The following SORCS3 variants were observed in gnomAD, a reference collection of about 807,000 sequenced individuals.
SORCS3 encodes the protein sortilin related VPS10 domain containing receptor 3, also known as VPS10 domain-containing receptor SorCS3.
A neutral mutation model predicts 146.3 loss-of-function variants in SORCS3; 57 were observed. The observed-to-expected ratio is 0.39, with a 90% CI of 0.31 to 0.49. The LOEUF is 0.49. Ranked by LOEUF, SORCS3 falls within the 20% of genes least tolerant of loss-of-function variation. The pLI is 0.92. For missense variants in SORCS3, 1,341 were observed against 1,575.5 expected (o/e 0.85, Z 2.52); for synonymous variants, 653 against 618.5 (o/e 1.06, Z -0.83).
intron 3 of SORCS3, among the ~76,000 whole-genome samples, chr10:104,948,346 A>G (rs1043257456): frequency 6.6e-6 from 1 of 152,202 alleles, no homozygotes; most frequent in Non-Finnish European, 1.5e-5. Flanking sequence ...ATTACCAGTA[A>G]AATCAGATGT....
chr10:104,721,536 G>A (rs1267297003), intron 1 of SORCS3, among the ~76,000 whole-genome samples: 5 of 151,442 alleles, frequency 3.3e-5, no homozygotes, highest in Non-Finnish European at 1.5e-5. Context: ...AGCTTGATGG[G>A]GATGGCATTG....
chr10:105,233,417 T>C lies in SORCS3; in HGVS notation c.2868+10168T>C, dbSNP rs76611208. Among the ~76,000 whole-genome samples, 883 of 152,290 alleles carry C rather than the reference T, an allele frequency of 5.8e-3. 7 individuals are homozygous for C. The highest frequency in any genetic ancestry group is 0.02 in the African/African-American group (840 of 41,578). On this transcript the variant is annotated intron_variant, in intron 20 of 26. Transcript: ENST00000369701. ...GAGAATAATACTTTTCTTTCTTTTT[T>C]TAATTATACTTTAAGTTCTGGGGTA...
At chr10:104,852,093 C>A (rs1321039548) in intron 2 of SORCS3, among the ~76,000 whole-genome samples, 2 of 152,166 alleles carry the variant, frequency 1.3e-5, no homozygotes, top group East Asian at 1.9e-4. Context: ...GTAAAAGATT[C>A]CCCCCTTCAC....
chr10:104,896,038 C>G (rs959068251), intron 2 of SORCS3, among the ~76,000 whole-genome samples: 2 of 152,088 alleles, frequency 1.3e-5, no homozygotes, highest in Non-Finnish European at 2.9e-5. Context: ...ATTTTTCTTC[C>G]ATTTCTCTTT....
intron 7 of SORCS3, among the ~76,000 whole-genome samples, chr10:105,128,322 T>A (rs769514452): frequency 4.5e-4 from 69 of 152,232 alleles, no homozygotes; most frequent in Non-Finnish European, 4.6e-4. Context: ...GCTTGACAGA[T>A]GGCTTAAATC....
chr10:105,046,545 G>C, intron 5 of SORCS3, among the ~76,000 whole-genome samples: 1 of 152,084 alleles, frequency 6.6e-6, no homozygotes, highest in East Asian at 1.9e-4. Flanking sequence ...GATGATTGTT[G>C]TAATGGTTGT....
At chr10:104,907,012 C>T (rs1468127806) in intron 2 of SORCS3, among the ~76,000 whole-genome samples, 2 of 151,694 alleles carry the variant, frequency 1.3e-5, no homozygotes, top group African/African-American at 2.4e-5. Context: ...AAATGTATTG[C>T]CTTGTTGTGT....
chr10:104,775,635 G>A (rs1003209519), intron 1 of SORCS3, among the ~76,000 whole-genome samples: 7 of 152,196 alleles, frequency 4.6e-5, no homozygotes, highest in African/African-American at 1.7e-4. Context: ...TATAAAGACA[G>A]AATGACAGAC....
rs181220739 is a variant in SORCS3 at position 104,714,118 on chromosome 10, T to A, written c.627+72164T>A. 2.6e-5 allele frequency among the ~76,000 whole-genome samples: 4 copies of A among 152,264 alleles called. No homozygotes were observed. In the East Asian group the frequency reaches 7.7e-4, roughly 29 times the overall value. ...GATGACTAGTCTTTTATTTCTGATA[T>A]TGGTAATTTGTGTCTTTTTTCTTTT... On this transcript the variant is annotated intron_variant, in intron 1 of 26. Transcript: ENST00000369701.
At chr10:104,653,954 C>T (rs941368811) in intron 1 of SORCS3, among the ~76,000 whole-genome samples, 2 of 152,124 alleles carry the variant, frequency 1.3e-5, no homozygotes, top group African/African-American at 4.8e-5. Context: ...CCCCTCTCCC[C>T]CACTACCCTT....
chr10:104,771,331 G>T (rs1340933674), intron 1 of SORCS3, among the ~76,000 whole-genome samples: 1 of 152,196 alleles, frequency 6.6e-6, no homozygotes, highest in Non-Finnish European at 1.5e-5. Flanking sequence ...CTGTGTGGAT[G>T]TTGTTAGCTA....
At chr10:105,198,743 ACCCATG>A (rs2119610215) in intron 14 of SORCS3, among the ~76,000 whole-genome samples, 1 of 152,280 alleles carries the variant, frequency 6.6e-6, no homozygotes, top group South Asian at 2.1e-4. Context: ...TCCACACAAA[ACCCATG>A]TAGTTTTACT....
intron 1 of SORCS3, among the ~76,000 whole-genome samples, chr10:104,828,152 G>A (rs1340122332): frequency 2.0e-5 from 3 of 152,130 alleles, no homozygotes; most frequent in African/African-American, 7.2e-5. Flanking sequence ...TGCATTCAGA[G>A]TTTGGCAAAC....
chr10:105,046,862 A>G (rs549700915), intron 5 of SORCS3, among the ~76,000 whole-genome samples: 5 of 152,162 alleles, frequency 3.3e-5, no homozygotes, highest in Admixed American at 6.6e-5. Context: ...TCACCAGGTA[A>G]TCACCAGGGC....
intron 5 of SORCS3, among the ~76,000 whole-genome samples, chr10:105,059,830 C>T (rs962553835): frequency 3.9e-5 from 6 of 152,200 alleles, no homozygotes; most frequent in African/African-American, 1.4e-4. Context: ...GAGCCTTCCC[C>T]TCTATGGGAT....
chr10:104,652,051 T>C (rs2133239861), intron 1 of SORCS3, among the ~76,000 whole-genome samples: 1 of 122,108 alleles, frequency 8.2e-6, no homozygotes, highest in Middle Eastern at 3.9e-3. Flanking sequence ...GTTTTAAATA[T>C]ATTTTAAATG....
intron 4 of SORCS3, among the ~76,000 whole-genome samples, chr10:105,041,649 C>G (rs2055339314): frequency 2.0e-5 from 3 of 151,906 alleles, no homozygotes; most frequent in Admixed American, 1.3e-4. Context: ...CCCCACAAAA[C>G]TTTTTTGAGA....
intron 13 of SORCS3, among the ~76,000 whole-genome samples, chr10:105,170,416 A>G (rs1268300404): frequency 6.6e-6 from 1 of 152,108 alleles, no homozygotes; most frequent in African/African-American, 2.4e-5. Flanking sequence ...TATAGAGTTC[A>G]GAAAAAAAAA....
chr10:104,912,778 T>G (rs1213134888), intron 2 of SORCS3, among the ~76,000 whole-genome samples: 1 of 152,100 alleles, frequency 6.6e-6, no homozygotes, highest in Non-Finnish European at 1.5e-5. Flanking sequence ...AAGGAAGAGA[T>G]CCCAGAATAA....
Sources: gnomAD v4.1 joint callset for allele counts (sites outside exome capture counted in the v4.1 genomes callset) on GRCh38, gnomAD v4.1.1 for gene constraint, MANE v1.5 for transcripts, NCBI Gene and HGNC (gene_info 2026-07-23, HGNC 2026-07-21) for gene names.